Variants in CYP2J2 observed in about 807,000 individuals in gnomAD.
The protein encoded by CYP2J2 is cytochrome P450 2J2.
Under a neutral mutation model 48.8 loss-of-function variants are expected in CYP2J2, and 41 were observed. The ratio of observed to expected loss-of-function variants is 0.84; its 90% CI spans 0.66 to 1.09. The LOEUF (loss-of-function observed/expected upper bound fraction) is 1.09, where lower values mean the gene tolerates loss of function less well. CYP2J2 is among the 50% of genes least tolerant of loss of function. The probability of loss-of-function intolerance (pLI) is 0.00; values close to 1 mark genes in which losing one functional copy is unlikely to be tolerated. For missense variants in CYP2J2, 644 were observed against 617.3 expected (o/e 1.04, Z -0.46); for synonymous variants, 221 against 227.1 (o/e 0.97, Z 0.24).
chr1:59,941,554 A>G, the CYP2J2 span, among the ~76,000 whole-genome samples: 11,210 of 152,212 alleles, frequency 0.074, 432 homozygotes, highest in African/African-American at 0.1. Context: ...TAACTGTAAA[A>G]TAGTCCCAGG....
intron 8 of CYP2J2, among the ~76,000 whole-genome samples, chr1:59,900,548 C>T (rs1329370590): frequency 1.3e-5 from 2 of 152,052 alleles, no homozygotes; most frequent in Non-Finnish European, 2.9e-5. Flanking sequence ...GCAGGAGAAT[C>T]GCTTGAACCT....
chr1:59,899,172 G>A (rs1358936314), intron 8 of CYP2J2, among the ~76,000 whole-genome samples: 1 of 152,160 alleles, frequency 6.6e-6, no homozygotes, highest in Non-Finnish European at 1.5e-5. Context: ...CATGGATGTT[G>A]TGCAAGAGCC....
chr1:59,906,057 G>A (rs953545043), intron 6 of CYP2J2, among the ~76,000 whole-genome samples: 2 of 152,130 alleles, frequency 1.3e-5, no homozygotes, highest in Admixed American at 6.6e-5. Flanking sequence ...GTGGTGGCGG[G>A]CGCCTGTAGT....
intron 1 of CYP2J2, among the ~76,000 whole-genome samples, chr1:59,922,125 G>A (rs944174440): frequency 1.3e-5 from 2 of 152,130 alleles, no homozygotes; most frequent in South Asian, 2.1e-4. Context: ...TCGACCTGCC[G>A]ATCCACCTGG....
At position 59,920,925 on chromosome 1, in the gene CYP2J2, T is replaced by C. The variant is rs183029272; in HGVS notation, c.211-4825A>G. ...TAAAATTATTATGGCTCAGACCATT[T>C]TCCCCTATTAAAAATCTTCTGTCCC... On this transcript the variant is annotated intron_variant, in intron 1 of 8. Coordinates refer to ENST00000371204, the MANE Select transcript of CYP2J2 (RefSeq NM_000775.4). Among the ~76,000 whole-genome samples the C allele has an allele frequency of 4.2e-4, 64 of 152,308 alleles. 1 individual carries two copies. The South Asian group carries it at 4.4e-3, about 10-fold the overall frequency.
chr1:59,954,754 C>T, the CYP2J2 span, among the ~76,000 whole-genome samples: 1 of 151,500 alleles, frequency 6.6e-6, no homozygotes. Flanking sequence ...AAGGAGGAGA[C>T]AAAAAACTAT....
chr1:59,955,483 T>G, the CYP2J2 span, among the ~76,000 whole-genome samples: 1 of 151,916 alleles, frequency 6.6e-6, no homozygotes, highest in African/African-American at 2.4e-5. Flanking sequence ...TAAGGGGACA[T>G]TTTGACGAGG....
the CYP2J2 span, among the ~76,000 whole-genome samples, chr1:59,951,401 A>G: frequency 6.6e-6 from 1 of 152,278 alleles, no homozygotes; most frequent in African/African-American, 2.4e-5. Flanking sequence ...CTTTCATAGC[A>G]TTTCTCTTAA....
chr1:59,921,654 C>T (rs1644516714), intron 1 of CYP2J2, among the ~76,000 whole-genome samples: 1 of 150,348 alleles, frequency 6.7e-6, no homozygotes, highest in South Asian at 2.2e-4. Flanking sequence ...AACCGGTTGT[C>T]TAGCAAAAGC....
chr1:59,968,685 T>G, the CYP2J2 span, among the ~76,000 whole-genome samples: 1 of 152,098 alleles, frequency 6.6e-6, no homozygotes, highest in Non-Finnish European at 1.5e-5. Context: ...GGGGTGGACA[T>G]GTGTAAAAGG....
the CYP2J2 span, among the ~76,000 whole-genome samples, chr1:59,945,609 C>T: frequency 6.6e-6 from 1 of 152,270 alleles, no homozygotes; most frequent in East Asian, 1.9e-4. Flanking sequence ...ACTTAGTCCC[C>T]ATACTTCCCA....
the CYP2J2 span, among the ~76,000 whole-genome samples, chr1:59,935,406 C>T: frequency 6.6e-6 from 1 of 151,520 alleles, no homozygotes; most frequent in Non-Finnish European, 1.5e-5. Context: ...GTATTCTCAC[C>T]ACACACATGC....
chr1:59,957,801 C>A, the CYP2J2 span, among the ~76,000 whole-genome samples: 2 of 152,062 alleles, frequency 1.3e-5, no homozygotes, highest in African/African-American at 2.4e-5. Context: ...AAGGCCCACA[C>A]AATGACACAC....
upstream of CYP2J2, among the ~76,000 whole-genome samples, chr1:59,929,742 GAACA>G (rs1386877571): frequency 5.3e-5 from 8 of 152,168 alleles, no homozygotes; most frequent in Non-Finnish European, 7.4e-5. Flanking sequence ...CAGAAAAAAA[GAACA>G]AACAATCTCA....
chr1:59,900,206 T>G lies in CYP2J2; in HGVS notation c.1330+759A>C, dbSNP rs551954086. ...AATCCAATCAAGTTAAGCCACTGAC[T>G]GATGCCCATGTGGCAAATAAGTTTC... On this transcript the variant is annotated intron_variant, in intron 8 of 8. Coordinates refer to ENST00000371204, the MANE Select transcript of CYP2J2 (RefSeq NM_000775.4). Among the ~76,000 whole-genome samples, 5 of 152,378 alleles carry G rather than the reference T, an allele frequency of 3.3e-5. No individual in the cohort carries two copies. In the South Asian group the frequency reaches 1.0e-3, roughly 32 times the overall value.
At chr1:59,926,821 T>C, upstream of CYP2J2, 2 of 1,394,480 alleles carry the variant, frequency 1.4e-6, no homozygotes, top group Non-Finnish European at 2.0e-6. Flanking sequence ...CCGCCCCGCC[T>C]CGCTCCCAGC....
the CYP2J2 span, among the ~76,000 whole-genome samples, chr1:59,953,483 TAG>T: frequency 4.6e-5 from 7 of 150,888 alleles, no homozygotes; most frequent in South Asian, 2.1e-4. Flanking sequence ...CATAAGTTGA[TAG>T]AGAGAGACAC....
chr1:59,958,382 T>G, the CYP2J2 span, among the ~76,000 whole-genome samples: 2 of 152,184 alleles, frequency 1.3e-5, no homozygotes, highest in African/African-American at 4.8e-5. Context: ...AGGGCTTCAA[T>G]TTCTTGCTCT....
chr1:59,947,644 C>T, the CYP2J2 span, among the ~76,000 whole-genome samples: 1 of 152,142 alleles, frequency 6.6e-6, no homozygotes, highest in African/African-American at 2.4e-5. Flanking sequence ...AGTGATCACG[C>T]CAGTAAACTT....
Sources: gnomAD v4.1 joint callset for allele counts (sites outside exome capture counted in the v4.1 genomes callset) on GRCh38, gnomAD v4.1.1 for gene constraint, MANE v1.5 for transcripts, NCBI Gene and HGNC (gene_info 2026-07-23, HGNC 2026-07-21) for gene names.